The following GABRB1 variants were observed in gnomAD, a reference collection of about 807,000 sequenced individuals.
GABRB1 encodes gamma-aminobutyric acid type A receptor subunit beta1.
In GABRB1, 17 loss-of-function variants were observed where a neutral mutation model predicts 51.6. That is an observed-to-expected ratio of 0.33 (90% CI 0.23 to 0.49). The LOEUF (loss-of-function observed/expected upper bound fraction) is 0.49, where lower values mean the gene tolerates loss of function less well. GABRB1 is among the 20% of genes least tolerant of loss of function. The probability of loss-of-function intolerance (pLI) is 0.99; values close to 1 mark genes in which losing one functional copy is unlikely to be tolerated. For synonymous variants in GABRB1, 247 were observed against 218.9 expected, an observed-to-expected ratio of 1.13 and a Z score of -1.14; for missense variants, 410 against 600.6, an observed-to-expected ratio of 0.68 and a Z score of 3.32.
intron 4 of GABRB1, among the ~76,000 whole-genome samples, chr4:47,301,986 A>AT (rs1028517927): frequency 1.1e-4 from 16 of 152,034 alleles, no homozygotes; most frequent in Non-Finnish European, 7.4e-5. Context: ...ATCTTTCACA[A>AT]TTTTTTTTCC....
At chr4:47,051,776 G>A (rs1369900313) in intron 3 of GABRB1, among the ~76,000 whole-genome samples, 9 of 152,176 alleles carry the variant, frequency 5.9e-5, no homozygotes, top group Non-Finnish European at 1.0e-4. Flanking sequence ...AGACGGTAAA[G>A]GCTTCAGGTT....
chr4:47,131,826 T>C (rs1716430430), intron 3 of GABRB1, among the ~76,000 whole-genome samples: 1 of 152,168 alleles, frequency 6.6e-6, no homozygotes, highest in Admixed American at 6.5e-5. Flanking sequence ...AAGAACTTTG[T>C]TTCTTTCTAA....
intron 3 of GABRB1, among the ~76,000 whole-genome samples, chr4:47,159,987 A>G (rs996322466): frequency 7.2e-5 from 11 of 152,118 alleles, no homozygotes; most frequent in African/African-American, 2.7e-4. Flanking sequence ...CATATCAAAG[A>G]CTTTAGGATT....
intron 3 of GABRB1, among the ~76,000 whole-genome samples, chr4:47,099,178 T>C (rs938748056): frequency 1.3e-5 from 2 of 152,072 alleles, no homozygotes; most frequent in African/African-American, 4.8e-5. Context: ...TTACATAAGT[T>C]ACAGAGCAGT....
intron 5 of GABRB1, among the ~76,000 whole-genome samples, chr4:47,347,687 G>A (rs1459744501): frequency 6.6e-6 from 1 of 152,066 alleles, no homozygotes; most frequent in African/African-American, 2.4e-5. Context: ...TATATTTTTA[G>A]AGTCCATTAT....
intron 3 of GABRB1, among the ~76,000 whole-genome samples, chr4:47,058,925 G>T (rs1194205178): frequency 6.6e-6 from 1 of 152,208 alleles, no homozygotes; most frequent in Non-Finnish European, 1.5e-5. Context: ...ACATTTTCTA[G>T]TTAGTAAATA....
intron 4 of GABRB1, among the ~76,000 whole-genome samples, chr4:47,252,343 C>T (rs1722026178): frequency 6.6e-6 from 1 of 152,064 alleles, no homozygotes; most frequent in Non-Finnish European, 1.5e-5. Context: ...CCCACTTCCA[C>T]AGTTGGGGCA....
At chr4:47,026,921 T>C (rs1327713852), upstream of GABRB1, among the ~76,000 whole-genome samples, 2 of 152,014 alleles carry the variant, frequency 1.3e-5, no homozygotes, top group East Asian at 3.8e-4. Context: ...TTGAATTTTG[T>C]CTCTCATTTT....
intron 5 of GABRB1, among the ~76,000 whole-genome samples, chr4:47,332,726 T>C (rs1437226333): frequency 5.4e-5 from 8 of 148,228 alleles, no homozygotes; most frequent in Admixed American, 5.4e-4. Flanking sequence ...CCATGCATTG[T>C]TTTTTTTTCC....
At chr4:47,167,528 G>A (rs930614911) in intron 4 of GABRB1, among the ~76,000 whole-genome samples, 3 of 152,068 alleles carry the variant, frequency 2.0e-5, no homozygotes, top group Non-Finnish European at 4.4e-5. Flanking sequence ...CCAGGGCCAG[G>A]TGGTTTTGAG....
chr4:47,354,182 G>A (rs1726466276), intron 5 of GABRB1, among the ~76,000 whole-genome samples: 1 of 152,178 alleles, frequency 6.6e-6, no homozygotes, highest in Non-Finnish European at 1.5e-5. Context: ...CCCTCAACAT[G>A]ACCTATTGTC....
chr4:47,098,413 C>A (rs1714559565), intron 3 of GABRB1, among the ~76,000 whole-genome samples: 2 of 152,036 alleles, frequency 1.3e-5, no homozygotes, highest in South Asian at 4.2e-4. Context: ...AGAGGAATAA[C>A]CCCAAACCTT....
At chr4:47,050,451 A>AT (rs1017159241) in intron 3 of GABRB1, among the ~76,000 whole-genome samples, 17 of 151,974 alleles carry the variant, frequency 1.1e-4, no homozygotes, top group East Asian at 5.8e-4. Context: ...ACATACATAT[A>AT]TTTTTTTTAA....
At chr4:47,393,218 G>A (rs935273362) in intron 5 of GABRB1, among the ~76,000 whole-genome samples, 1 of 152,206 alleles carries the variant, frequency 6.6e-6, no homozygotes, top group African/African-American at 2.4e-5. Flanking sequence ...AATCTGCACT[G>A]TGGTTCTGGG....
chr4:47,322,997 CAAT>C (rs1244389576), intron 5 of GABRB1, among the ~76,000 whole-genome samples: 1 of 119,462 alleles, frequency 8.4e-6, no homozygotes. Flanking sequence ...ACAACAACAA[CAAT>C]AATAATAATA....
chr4:47,031,588 A>G lies in GABRB1; in HGVS notation c.-64A>G. The G allele has an allele frequency of 7.2e-7, 1 of 1,380,984 alleles. No individual in the cohort carries two copies. The highest frequency in any genetic ancestry group is 1.2e-5 in the South Asian group (1 of 86,020). 85.5% of individuals were successfully genotyped at this position (1,380,984 alleles called of 1,614,324 possible). On this transcript the variant is annotated 5_prime_UTR_variant, in exon 1 of 9. Transcript: ENST00000295454. ...GTCCATTCGGGAATTACTGCCCAGCAGCCGACTAAGTTGCATTCCTTGAAT... is the reference window on the plus strand; with the variant it reads ...GTCCATTCGGGAATTACTGCCCAGCGGCCGACTAAGTTGCATTCCTTGAAT...
chr4:47,395,645 A>T (rs2110043158), intron 5 of GABRB1, among the ~76,000 whole-genome samples: 1 of 152,320 alleles, frequency 6.6e-6, no homozygotes, highest in Non-Finnish European at 1.5e-5. Flanking sequence ...GGATGCCAAG[A>T]TTTCCTTCTT....
chr4:47,321,574 G>T (rs956833189), intron 5 of GABRB1, among the ~76,000 whole-genome samples: 2 of 121,856 alleles, frequency 1.6e-5, no homozygotes, highest in Non-Finnish European at 3.4e-5. Flanking sequence ...TATCAAAAAT[G>T]ACCACATTCA....
At chr4:47,149,826 A>T (rs1267244036) in intron 3 of GABRB1, among the ~76,000 whole-genome samples, 1 of 151,942 alleles carries the variant, frequency 6.6e-6, no homozygotes, top group East Asian at 1.9e-4. Flanking sequence ...TCTCATTATG[A>T]AGTATAAAGT....
Sources: gnomAD v4.1 joint callset for allele counts (sites outside exome capture counted in the v4.1 genomes callset) on GRCh38, gnomAD v4.1.1 for gene constraint, MANE v1.5 for transcripts, NCBI Gene and HGNC (gene_info 2026-07-23, HGNC 2026-07-21) for gene names.